Variants in CACNA1D observed in about 807,000 individuals in gnomAD.
The protein encoded by CACNA1D is calcium voltage-gated channel subunit alpha1 D.
In CACNA1D, 55 loss-of-function variants were observed where a neutral mutation model predicts 257.1. The observed-to-expected ratio is 0.21, with a 90% confidence interval of 0.17 to 0.27. The LOEUF is 0.27. Among genes scored for constraint, CACNA1D ranks in the 10% least tolerant of loss-of-function variants. The pLI, the probability that CACNA1D is intolerant of heterozygous loss-of-function variation, is 1.00. For synonymous variants in CACNA1D, 980 were observed against 1,014.9 expected (o/e 0.97, Z 0.65); for missense variants, 1,876 against 2,784.0 (o/e 0.67, Z 7.34).
chr3:53,734,120 T>G (rs2095033207), intron 19 of CACNA1D, among the ~76,000 whole-genome samples: 1 of 150,672 alleles, frequency 6.6e-6, no homozygotes, highest in African/African-American at 2.4e-5. Flanking sequence ...GGAAGTTCTT[T>G]CCCAGACTCA....
At chr3:53,697,982 G>A (rs1035336191) in intron 8 of CACNA1D, among the ~76,000 whole-genome samples, 3 of 152,052 alleles carry the variant, frequency 2.0e-5, no homozygotes, top group African/African-American at 7.2e-5. Flanking sequence ...CCAAGATGTG[G>A]GTACCAGGTG....
chr3:53,577,603 T>C (rs2093060112), intron 3 of CACNA1D, among the ~76,000 whole-genome samples: 1 of 152,104 alleles, frequency 6.6e-6, no homozygotes, highest in Non-Finnish European at 1.5e-5. Flanking sequence ...ATGGAGTCAC[T>C]TTTACCCAAA....
intron 26 of CACNA1D, among the ~76,000 whole-genome samples, chr3:53,748,505 T>C (rs1331902446): frequency 6.6e-6 from 1 of 152,228 alleles, no homozygotes; most frequent in Admixed American, 6.5e-5. Context: ...TGTCAGGCTT[T>C]GAACACTGTA....
At chr3:53,643,242 T>A (rs2093981679) in intron 3 of CACNA1D, among the ~76,000 whole-genome samples, 1 of 152,144 alleles carries the variant, frequency 6.6e-6, no homozygotes, top group Non-Finnish European at 1.5e-5. Flanking sequence ...TTCCTCTAAG[T>A]GCATACTTCA....
chr3:53,724,786 C>G (rs1211228147), intron 14 of CACNA1D, among the ~76,000 whole-genome samples: 2 of 152,214 alleles, frequency 1.3e-5, no homozygotes, highest in African/African-American at 4.8e-5. Flanking sequence ...GTGGCCCTTT[C>G]CATGCCCAGC....
chr3:53,660,051 C>A, intron 4 of CACNA1D, 82 bp from the exon 5 acceptor site: 2 of 1,304,216 alleles, frequency 1.5e-6, no homozygotes, highest in Non-Finnish European at 1.1e-6. Context: ...TAGCCCTTTT[C>A]AAAAATAAAT....
chr3:53,799,634 A>G (rs1320746210), intron 40 of CACNA1D, among the ~76,000 whole-genome samples: 2 of 152,156 alleles, frequency 1.3e-5, no homozygotes, highest in African/African-American at 4.8e-5. Context: ...TATCCTGATG[A>G]CCACGGTGGC....
At chr3:53,719,654 G>C (rs2094860259) in intron 10 of CACNA1D, 101 bp from the exon 11 acceptor site, 3 of 1,067,848 alleles carry the variant, frequency 2.8e-6, no homozygotes, top group South Asian at 1.2e-5. Flanking sequence ...GCTAAGTCCA[G>C]GCTGTATGCA....
intron 3 of CACNA1D, among the ~76,000 whole-genome samples, chr3:53,603,140 T>C (rs979652060): frequency 6.6e-6 from 1 of 152,268 alleles, no homozygotes; most frequent in Admixed American, 6.5e-5. Flanking sequence ...TGGTTTTGCA[T>C]CTGCGGCTTT....
intron 3 of CACNA1D, among the ~76,000 whole-genome samples, chr3:53,621,174 T>A (rs540847066): frequency 6.6e-6 from 1 of 152,108 alleles, no homozygotes; most frequent in Admixed American, 6.6e-5. Context: ...AGCTGTGAAT[T>A]CCCAGAAATC....
chr3:53,541,014 T>C (rs1353570781), intron 3 of CACNA1D, among the ~76,000 whole-genome samples: 1 of 152,218 alleles, frequency 6.6e-6, no homozygotes, highest in African/African-American at 2.4e-5. Flanking sequence ...AGTGCTGAGA[T>C]TGCAGGCGTG....
chr3:53,632,366 C>T (rs2093831172), intron 3 of CACNA1D, among the ~76,000 whole-genome samples: 1 of 152,230 alleles, frequency 6.6e-6, no homozygotes, highest in Admixed American at 6.5e-5. Flanking sequence ...AGAGTTAGGG[C>T]CTTGCTCTGG....
chr3:53,611,329 T>G (rs2093580520), intron 3 of CACNA1D, among the ~76,000 whole-genome samples: 1 of 152,154 alleles, frequency 6.6e-6, no homozygotes, highest in Non-Finnish European at 1.5e-5. Flanking sequence ...AGGCTGCAGT[T>G]GAGTCATGAT....
At chr3:53,632,683 T>C (rs928847041) in intron 3 of CACNA1D, among the ~76,000 whole-genome samples, 1 of 152,202 alleles carries the variant, frequency 6.6e-6, no homozygotes, top group African/African-American at 2.4e-5. Flanking sequence ...TGAGAGGCTG[T>C]TGTAGGGTTA....
chr3:53,548,755 G>A (rs1054110871), intron 3 of CACNA1D, among the ~76,000 whole-genome samples: 19 of 152,120 alleles, frequency 1.2e-4, no homozygotes, highest in African/African-American at 4.6e-4. Flanking sequence ...GCCATGTAGT[G>A]GTTCTTATTG....
chr3:53,727,893 G>A (rs143304316), intron 15 of CACNA1D, among the ~76,000 whole-genome samples: 25 of 152,200 alleles, frequency 1.6e-4, no homozygotes, highest in African/African-American at 6.0e-4. Flanking sequence ...TAACCTCAGT[G>A]CAAACCTGCC....
At chr3:53,548,037 G>A (rs1347172109) in intron 3 of CACNA1D, among the ~76,000 whole-genome samples, 1 of 152,198 alleles carries the variant, frequency 6.6e-6, no homozygotes, top group African/African-American at 2.4e-5. Flanking sequence ...TAGGTGGAAG[G>A]CAGGTCTGGC....
At chr3:53,749,510 G>A (rs769588652) in intron 27 of CACNA1D, 41 bp downstream of exon 27, 1 of 1,379,564 alleles carries the variant, frequency 7.2e-7, no homozygotes. Flanking sequence ...CCCTTGGTCA[G>A]GAGCGGAGTG....
chr3:53,776,978 C>T, intron 37 of CACNA1D, 22 bp downstream of exon 37: 1 of 1,549,238 alleles, frequency 6.5e-7, no homozygotes, highest in Non-Finnish European at 8.9e-7. Context: ...GTGTGCGTGT[C>T]TGACAGCCTG....
Sources: gnomAD v4.1 joint callset for allele counts (sites outside exome capture counted in the v4.1 genomes callset) on GRCh38, gnomAD v4.1.1 for gene constraint, MANE v1.5 for transcripts, NCBI Gene and HGNC (gene_info 2026-07-23, HGNC 2026-07-21) for gene names.